HERPUD2: variants seen among roughly 807,000 people sequenced by gnomAD.
The protein encoded by HERPUD2 is homocysteine-responsive endoplasmic reticulum-resident ubiquitin-like domain member 2 protein.
In HERPUD2, 13 loss-of-function variants were observed where a neutral mutation model predicts 49.9. That is an observed-to-expected ratio of 0.26 (90% CI 0.17 to 0.41). HERPUD2 has a LOEUF of 0.41. HERPUD2 is among the 10% of genes least tolerant of loss of function. The pLI, the probability that HERPUD2 is intolerant of heterozygous loss-of-function variation, is 1.00. For missense variants in HERPUD2, 449 were observed against 492.2 expected (o/e 0.91, Z 0.83); for synonymous variants, 172 against 171.4 (o/e 1.00, Z -0.03).
intron 5 of HERPUD2, among the ~76,000 whole-genome samples, chr7:35,639,868 T>A (rs1347748632): frequency 6.6e-6 from 1 of 152,154 alleles, no homozygotes; most frequent in Non-Finnish European, 1.5e-5. Flanking sequence ...CTTTCCTTAT[T>A]CTTGATGGAG....
intron 5 of HERPUD2, among the ~76,000 whole-genome samples, chr7:35,649,626 G>A (rs549370976): frequency 6.6e-6 from 1 of 152,250 alleles, no homozygotes; most frequent in African/African-American, 2.4e-5. Flanking sequence ...AGAAAGGCAG[G>A]ATAACTCAAA....
chr7:35,679,647 T>C (rs1040982467), intron 2 of HERPUD2, among the ~76,000 whole-genome samples: 1 of 152,188 alleles, frequency 6.6e-6, no homozygotes, highest in Non-Finnish European at 1.5e-5. Context: ...AAATTTCCCA[T>C]CCAATTCTAA....
At position 35,670,231 on chromosome 7, in the gene HERPUD2, G is replaced by C. The variant is rs187935009; in HGVS notation, c.323C>G (p.Ala108Gly). 2.2e-5 allele frequency: 34 copies of C among 1,559,332 alleles called. 1 individual carries two copies. The East Asian group carries it at 6.9e-4, about 32-fold the overall frequency. ...ACAACTCACAGAATTGCTGCTGGAT[G>C]CCAATGCTTCATGACTTTCTCTATT... ...STNRESHEAL[A>G]SSSNSSSDHS... Residue 108 changes from alanine (A) to glycine (G), a missense_variant, in exon 4 of 9, where the codon GCA (alanine) becomes GGA (glycine). Physicochemically the swap from Ala to Gly is moderately conservative, Grantham distance 60. Coordinates refer to ENST00000311350, the MANE Select transcript of HERPUD2 (RefSeq NM_022373.5).
chr7:35,659,410 T>C (rs1279070405), intron 5 of HERPUD2, among the ~76,000 whole-genome samples: 3 of 152,238 alleles, frequency 2.0e-5, no homozygotes, highest in Non-Finnish European at 4.4e-5. Context: ...TAGTGTACCA[T>C]ACACAGAGAT....
chr7:35,664,141 C>T (rs1469385637), intron 5 of HERPUD2, among the ~76,000 whole-genome samples: 7 of 152,080 alleles, frequency 4.6e-5, no homozygotes, highest in African/African-American at 7.2e-5. Flanking sequence ...TTTATTTCTC[C>T]GTCACTTATG....
chr7:35,659,236 G>C (rs755526684), intron 5 of HERPUD2, among the ~76,000 whole-genome samples: 2 of 152,122 alleles, frequency 1.3e-5, no homozygotes, highest in Non-Finnish European at 2.9e-5. Context: ...GCCTTCATCA[G>C]AAAAAATGAC....
intron 2 of HERPUD2, among the ~76,000 whole-genome samples, chr7:35,686,822 TGGGGGGGTG>T (rs1786068748): frequency 7.9e-4 from 2 of 2,534 alleles, no homozygotes; most frequent in African/African-American, 6.8e-3. Flanking sequence ...GGGGGGGGGG[TGGGGGGGTG>T]GGGGGGGGCG....
intron 5 of HERPUD2, among the ~76,000 whole-genome samples, chr7:35,640,781 T>C (rs550392429): frequency 6.6e-6 from 1 of 152,290 alleles, no homozygotes; most frequent in Admixed American, 6.5e-5. Context: ...AAGAATTTAA[T>C]ATATGTTAGA....
chr7:35,667,856 T>A (rs1423241979), intron 4 of HERPUD2, among the ~76,000 whole-genome samples: 2 of 152,140 alleles, frequency 1.3e-5, no homozygotes, highest in African/African-American at 4.8e-5. Flanking sequence ...AAACAGCATA[T>A]TAAATTCTGA....
At chr7:35,642,716 A>C (rs1425779381) in intron 5 of HERPUD2, among the ~76,000 whole-genome samples, 1 of 152,222 alleles carries the variant, frequency 6.6e-6, no homozygotes, top group Non-Finnish European at 1.5e-5. Flanking sequence ...CAGAAAACCA[A>C]ATACCGCATG....
At chr7:35,694,156 C>T in intron 2 of HERPUD2, 28 bp downstream of exon 2, 3 of 1,613,574 alleles carry the variant, frequency 1.9e-6, no homozygotes, top group Non-Finnish European at 2.5e-6. Flanking sequence ...CTGGTCAGAG[C>T]AGCTGCCCCC....
chr7:35,663,857 T>C lies in HERPUD2; in HGVS notation c.494+3577A>G, dbSNP rs148012689. Among the ~76,000 whole-genome samples the C allele has an allele frequency of 7.7e-4, 118 of 152,316 alleles. 1 individual carries two copies. The East Asian group carries it at 0.02, about 26-fold the overall frequency. The stretch of plus-strand genomic sequence containing the variant: ...GTCTTGACTCTATCCAATTTGCCAG[T>C]CTGTGTCTTTTAATTGGAGCATTTA... On this transcript the variant is annotated intron_variant, in intron 5 of 8. Transcript: ENST00000311350.
chr7:35,645,488 G>T (rs1277566945), intron 5 of HERPUD2, among the ~76,000 whole-genome samples: 1 of 152,114 alleles, frequency 6.6e-6, no homozygotes, highest in Non-Finnish European at 1.5e-5. Context: ...GTGTATTAAT[G>T]TGGTGCAGTT....
At chr7:35,684,423 C>A (rs912544219) in intron 2 of HERPUD2, among the ~76,000 whole-genome samples, 4 of 151,562 alleles carry the variant, frequency 2.6e-5, no homozygotes, top group Admixed American at 2.0e-4. Context: ...AAGATACTTG[C>A]ACAAATATTT....
intron 2 of HERPUD2, among the ~76,000 whole-genome samples, chr7:35,689,078 A>T (rs1423929547): frequency 6.6e-6 from 1 of 152,234 alleles, no homozygotes; most frequent in Non-Finnish European, 1.5e-5. Context: ...AGCAGAATTT[A>T]TTATGTTAAA....
At chr7:35,667,701 G>A (rs1333606083) in intron 4 of HERPUD2, 113 bp from the exon 5 acceptor site, 2 of 787,636 alleles carry the variant, frequency 2.5e-6, no homozygotes, top group Non-Finnish European at 4.0e-6. Flanking sequence ...TAACATTTCA[G>A]AAATTTACTG....
At chr7:35,677,422 A>G (rs2115997815) in intron 2 of HERPUD2, among the ~76,000 whole-genome samples, 1 of 152,294 alleles carries the variant, frequency 6.6e-6, no homozygotes, top group South Asian at 2.1e-4. Context: ...CTCCCTTCAT[A>G]TTATTCTATT....
chr7:35,648,762 C>T (rs1264249736), intron 5 of HERPUD2, among the ~76,000 whole-genome samples: 2 of 152,150 alleles, frequency 1.3e-5, no homozygotes, highest in East Asian at 3.8e-4. Flanking sequence ...TGAAACGGCC[C>T]TGAACTCAAT....
chr7:35,654,857 A>C (rs1785241474), intron 5 of HERPUD2, among the ~76,000 whole-genome samples: 2 of 148,986 alleles, frequency 1.3e-5, no homozygotes, highest in African/African-American at 5.0e-5. Flanking sequence ...TGTGGGTTTT[A>C]TTTATTTATT....
Sources: allele counts gnomAD v4.1 joint callset (sites outside exome capture counted in the v4.1 genomes callset), GRCh38; gene constraint gnomAD v4.1.1; transcripts MANE v1.5; gene names NCBI Gene and HGNC (gene_info 2026-07-23, HGNC 2026-07-21).